Variants in NRXN3 observed in about 807,000 individuals in gnomAD.
NRXN3 encodes neurexin III.
In NRXN3, 32 loss-of-function variants were observed where a neutral mutation model predicts 137.6. That is an observed-to-expected ratio of 0.23 (90% CI 0.18 to 0.31). The LOEUF (loss-of-function observed/expected upper bound fraction) is 0.31. Among genes scored for constraint, NRXN3 ranks in the 10% least tolerant of loss-of-function variants. NRXN3 has a pLI of 1.00. For missense variants in NRXN3, 1,574 were observed against 2,062.5 expected, an observed-to-expected ratio of 0.76 and a Z score of 4.59; for synonymous variants, 798 against 784.5, an observed-to-expected ratio of 1.02 and a Z score of -0.29.
chr14:78,600,211 T>C (rs1007826723), intron 4 of NRXN3, among the ~76,000 whole-genome samples: 4 of 152,166 alleles, frequency 2.6e-5, no homozygotes, highest in African/African-American at 9.7e-5. Context: ...ACCCAGCTTT[T>C]TCACTCCCAA....
chr14:79,745,811 A>T (rs10129446), intron 19 of NRXN3, among the ~76,000 whole-genome samples: 81 of 151,954 alleles, frequency 5.3e-4, no homozygotes, highest in African/African-American at 1.8e-3. Context: ...TGGTTTGCCC[A>T]GCAATCTTTG....
intron 15 of NRXN3, among the ~76,000 whole-genome samples, chr14:79,093,042 A>T (rs1459141895): frequency 6.6e-6 from 1 of 152,138 alleles, no homozygotes; most frequent in East Asian, 1.9e-4. Flanking sequence ...ACACTCAACA[A>T]ATATTTATAC....
chr14:78,927,869 T>C (rs1162229160), intron 10 of NRXN3, among the ~76,000 whole-genome samples: 2 of 152,132 alleles, frequency 1.3e-5, no homozygotes, highest in Non-Finnish European at 1.5e-5. Context: ...TGCCTCAGCC[T>C]ATCTCAAGGT....
intron 17 of NRXN3, among the ~76,000 whole-genome samples, chr14:79,672,385 A>G (rs1445899224): frequency 1.3e-5 from 2 of 152,092 alleles, no homozygotes; most frequent in Non-Finnish European, 2.9e-5. Context: ...GAATTTCTTG[A>G]TTTCCAACCA....
intron 8 of NRXN3, among the ~76,000 whole-genome samples, chr14:78,722,635 C>A (rs2098465297): frequency 6.6e-6 from 1 of 152,162 alleles, no homozygotes. Context: ...TATACTGAGT[C>A]ATTTAACCCT....
intron 4 of NRXN3, among the ~76,000 whole-genome samples, chr14:78,538,709 C>T (rs2096560555): frequency 6.6e-6 from 1 of 152,280 alleles, no homozygotes; most frequent in Non-Finnish European, 1.5e-5. Context: ...AAAGGGAATG[C>T]TTCCAGTTTT....
intron 4 of NRXN3, among the ~76,000 whole-genome samples, chr14:78,343,997 T>G (rs890439962): frequency 1.3e-5 from 2 of 152,232 alleles, no homozygotes; most frequent in African/African-American, 2.4e-5. Context: ...TACCTGTGCC[T>G]GGCCTCATCC....
At chr14:79,109,983 A>T (rs2053184913) in intron 15 of NRXN3, among the ~76,000 whole-genome samples, 1 of 152,188 alleles carries the variant, frequency 6.6e-6, no homozygotes, top group Admixed American at 6.5e-5. Flanking sequence ...AAATTAGAAA[A>T]GAAAGGCAAC....
At chr14:78,937,426 C>T (rs962546141) in intron 10 of NRXN3, among the ~76,000 whole-genome samples, 1 of 152,090 alleles carries the variant, frequency 6.6e-6, no homozygotes, top group African/African-American at 2.4e-5. Context: ...CAGGGGCTCA[C>T]CTGGCAAAAC....
At chr14:79,569,386 G>A (rs535508339) in intron 16 of NRXN3, among the ~76,000 whole-genome samples, 1 of 152,224 alleles carries the variant, frequency 6.6e-6, no homozygotes, top group Non-Finnish European at 1.5e-5. Context: ...TCTCCTGAGT[G>A]AAAGAATGAG....
intron 6 of NRXN3, among the ~76,000 whole-genome samples, chr14:78,676,341 G>T (rs1251708819): frequency 6.6e-6 from 1 of 152,034 alleles, no homozygotes; most frequent in Non-Finnish European, 1.5e-5. Context: ...AATTAAAAGT[G>T]GGCACATGAA....
chr14:79,218,529 T>C (rs569816174), intron 15 of NRXN3, among the ~76,000 whole-genome samples: 1 of 152,102 alleles, frequency 6.6e-6, no homozygotes, highest in East Asian at 1.9e-4. Flanking sequence ...ATAAGAAAGT[T>C]AAAGAAGAGA....
At chr14:79,681,225 G>A (rs1454879231) in intron 17 of NRXN3, among the ~76,000 whole-genome samples, 4 of 152,266 alleles carry the variant, frequency 2.6e-5, no homozygotes, top group East Asian at 1.9e-4. Context: ...AGACTGCAAC[G>A]GAGCTGCTTC....
intron 15 of NRXN3, among the ~76,000 whole-genome samples, chr14:79,390,178 G>A (rs1332451194): frequency 6.6e-6 from 1 of 151,952 alleles, no homozygotes; most frequent in Non-Finnish European, 1.5e-5. Flanking sequence ...TTAGGCGGGC[G>A]CGGTGGCGGG....
intron 16 of NRXN3, among the ~76,000 whole-genome samples, chr14:79,519,933 A>T (rs1251943964): frequency 6.6e-6 from 1 of 151,988 alleles, no homozygotes; most frequent in East Asian, 1.9e-4. Context: ...ATTTAGGTCA[A>T]TTATAGTCTT....
At chr14:78,367,494 G>A (rs1347607063) in intron 4 of NRXN3, among the ~76,000 whole-genome samples, 1 of 152,150 alleles carries the variant, frequency 6.6e-6, no homozygotes. Flanking sequence ...CTGATTATAT[G>A]CTTACAATTC....
chr14:79,464,641 T>G (rs2096398238), intron 15 of NRXN3, among the ~76,000 whole-genome samples: 1 of 152,180 alleles, frequency 6.6e-6, no homozygotes, highest in South Asian at 2.1e-4. Context: ...CATTCTGCTT[T>G]AGTCTGATAA....
intron 15 of NRXN3, among the ~76,000 whole-genome samples, chr14:79,357,345 TA>T (rs924044699): frequency 9.2e-5 from 14 of 152,050 alleles, no homozygotes; most frequent in East Asian, 3.9e-4. Flanking sequence ...TTTAAAAAAA[TA>T]AAAAAAATTA....
At chr14:78,498,993 G>C (rs2095838147) in intron 4 of NRXN3, among the ~76,000 whole-genome samples, 1 of 151,954 alleles carries the variant, frequency 6.6e-6, no homozygotes, top group Non-Finnish European at 1.5e-5. Context: ...CTGTACCTTA[G>C]TTTTATTGCT....
Sources: allele counts gnomAD v4.1 joint callset (sites outside exome capture counted in the v4.1 genomes callset), GRCh38; gene constraint gnomAD v4.1.1; transcripts MANE v1.5; gene names NCBI Gene and HGNC (gene_info 2026-07-23, HGNC 2026-07-21).